Variants in RERE observed in about 807,000 individuals in gnomAD.
RERE encodes the protein arginine-glutamic acid dipeptide repeats protein.
In RERE, 40 loss-of-function variants were observed where a neutral mutation model predicts 146.1. The observed-to-expected ratio is 0.27, with a 90% confidence interval of 0.21 to 0.36. The LOEUF (loss-of-function observed/expected upper bound fraction) is 0.36. RERE is among the 10% of genes least tolerant of loss of function. RERE has a pLI of 1.00. For missense variants in RERE, 1,933 were observed against 2,138.7 expected (o/e 0.90, Z 1.90); for synonymous variants, 1,003 against 866.0 (o/e 1.16, Z -2.78).
intron 1 of RERE, among the ~76,000 whole-genome samples, chr1:8,757,434 C>T (rs942700103): frequency 2.0e-5 from 3 of 152,212 alleles, no homozygotes; most frequent in Admixed American, 1.3e-4. Context: ...AAATTCTCTA[C>T]TGCATCACTA....
At chr1:8,729,126 A>C (rs1454020470) in intron 1 of RERE, among the ~76,000 whole-genome samples, 1 of 149,610 alleles carries the variant, frequency 6.7e-6, no homozygotes, top group Non-Finnish European at 1.5e-5. Flanking sequence ...ATCGTGCCAC[A>C]CCATTGCACT....
At chr1:8,503,642 A>T (rs1384295357) in intron 8 of RERE, among the ~76,000 whole-genome samples, 4 of 152,338 alleles carry the variant, frequency 2.6e-5, no homozygotes, top group African/African-American at 9.6e-5. Context: ...ATATTATGTT[A>T]TTATTTATCT....
rs746807845 is a variant in RERE, at chr1:8,364,822, G to A, written c.1464C>T (p.Ala488=). 3.1e-6 allele frequency: 5 copies of A among 1,612,280 alleles called. No individual in the cohort carries two copies. In the African/African-American group the frequency reaches 4.0e-5, roughly 13 times the overall value. Residue 488 remains alanine, a synonymous_variant, in exon 14 of 23, where the codon GCC becomes GCT. Coordinates refer to ENST00000400908, the MANE Select transcript of RERE (RefSeq NM_001042681.2). This position sits in a 1 kb window ranked among gnomAD's most constrained non-coding sequence, Gnocchi z 5.1. ...PSSEFLDLSS[A]SEDDFDSEDS... is the part of the protein sequence containing the mutation. Reference sequence around the variant, plus strand: ...CCTCACTGTCGAAGTCATCTTCACTGGCTGAACTTAGGTCCACTGGGCGTG... The same window carrying A: ...CCTCACTGTCGAAGTCATCTTCACTAGCTGAACTTAGGTCCACTGGGCGTG...
chr1:8,785,431 T>C (rs891588423), intron 1 of RERE, among the ~76,000 whole-genome samples: 1 of 152,214 alleles, frequency 6.6e-6, no homozygotes, highest in Non-Finnish European at 1.5e-5. Context: ...CAATGACCAT[T>C]ACAGAGGAAA....
chr1:8,517,645 G>A (rs183408660), intron 7 of RERE, among the ~76,000 whole-genome samples: 2 of 151,978 alleles, frequency 1.3e-5, no homozygotes, highest in Non-Finnish European at 2.9e-5. Context: ...AACAATAATG[G>A]TAAGTTGTTG....
intron 1 of RERE, chr1:8,798,695 T>C (rs1181515987): frequency 6.1e-6 from 1 of 164,636 alleles, no homozygotes; most frequent in Admixed American, 6.1e-5. Flanking sequence ...AAGTCTTTTT[T>C]TTCTTTTTTT....
chr1:8,700,634 C>T (rs1408086986), intron 1 of RERE, among the ~76,000 whole-genome samples: 1 of 152,214 alleles, frequency 6.6e-6, no homozygotes, highest in Non-Finnish European at 1.5e-5. Flanking sequence ...TACAATGTAA[C>T]GAGAGGTAAG....
intron 4 of RERE, among the ~76,000 whole-genome samples, chr1:8,592,540 G>A (rs967134667): frequency 2.6e-5 from 4 of 152,038 alleles, no homozygotes; most frequent in Admixed American, 2.6e-4. Context: ...CCAAAGTGCT[G>A]GGATTACAGG....
chr1:8,503,914 T>A (rs1345180414), intron 8 of RERE, among the ~76,000 whole-genome samples: 1 of 152,168 alleles, frequency 6.6e-6, no homozygotes, highest in Non-Finnish European at 1.5e-5. Context: ...TATTATGGAA[T>A]TGAAGCAAAT....
intron 1 of RERE, chr1:8,750,705 T>C: frequency 1.2e-6 from 1 of 814,382 alleles, no homozygotes; most frequent in East Asian, 2.4e-5. Context: ...GCCTTTGTCA[T>C]CAGGACCAGA....
intron 1 of RERE, among the ~76,000 whole-genome samples, chr1:8,770,609 C>T (rs1640930271): frequency 2.6e-5 from 4 of 152,138 alleles, no homozygotes; most frequent in Admixed American, 1.3e-4. Context: ...GGTACAGTGA[C>T]GTAGAACAAC....
intron 1 of RERE, among the ~76,000 whole-genome samples, chr1:8,722,138 C>T (rs561088560): frequency 6.6e-6 from 1 of 152,286 alleles, no homozygotes; most frequent in South Asian, 2.1e-4. Flanking sequence ...AATTCTAGAA[C>T]CACAAATAAA....
At chr1:8,716,843 A>C (rs545393151) in intron 1 of RERE, among the ~76,000 whole-genome samples, 5 of 152,298 alleles carry the variant, frequency 3.3e-5, no homozygotes, top group South Asian at 4.1e-4. Flanking sequence ...CTAGCCAAAG[A>C]AGCAATCAAT....
intron 12 of RERE, among the ~76,000 whole-genome samples, chr1:8,366,634 G>A (rs1641813146): frequency 6.6e-6 from 1 of 152,124 alleles, no homozygotes; most frequent in African/African-American, 2.4e-5. Context: ...GCAAGGACTG[G>A]GCTTGGCAAA....
intron 6 of RERE, among the ~76,000 whole-genome samples, chr1:8,552,396 T>C (rs1185791038): frequency 6.6e-6 from 1 of 152,234 alleles, no homozygotes; most frequent in South Asian, 2.1e-4. Flanking sequence ...TGCTAAGCAC[T>C]AACATGATCA....
In RERE at chr1:8,423,740, CGGGGGGCGCGGGGCTG is replaced by C. The variant is rs1643955291; in HGVS notation, c.1204-949_1204-934del. 35 of 964,480 alleles carry C rather than the reference CGGGGGGCGCGGGGCTG, an allele frequency of 3.6e-5. No individual in the cohort carries two copies. The highest frequency in any genetic ancestry group is 4.2e-5 in the Non-Finnish European group (34 of 813,886). The allele number at this position is 964,480 out of a possible 1,614,324, so 59.7% of individuals were successfully genotyped here. On this transcript the variant is annotated intron_variant, in intron 11 of 22. Coordinates refer to ENST00000400908, the MANE Select transcript of RERE (RefSeq NM_001042681.2). This position sits in a 1 kb window ranked among gnomAD's most constrained non-coding sequence, Gnocchi z 5.4. ...CGGCGGGGCCGCGCGGCGCGGGGCC[CGGGGGGCGCGGGGCTG>C]GGGCCGCCGCTGACGGGGGAGGAGG... is the stretch of plus-strand genomic sequence containing the variant.
intron 1 of RERE, among the ~76,000 whole-genome samples, chr1:8,687,807 G>T (rs940427117): frequency 6.6e-6 from 1 of 152,120 alleles, no homozygotes; most frequent in East Asian, 1.9e-4. Context: ...AACAAAAGCA[G>T]GGTTTTAATG....
In RERE at chr1:8,786,316, C is replaced by G. The variant is rs920233676; in HGVS notation, c.-145+30844G>C. Reference sequence around the variant, plus strand: ...TTGTGGAGAAAATAATTTGAAGGGCCACAGGAAGTTATTTGCTTCTTTAAA... The same window carrying G: ...TTGTGGAGAAAATAATTTGAAGGGCGACAGGAAGTTATTTGCTTCTTTAAA... On this transcript the variant is annotated intron_variant, in intron 1 of 22. Coordinates refer to ENST00000400908, the MANE Select transcript of RERE (RefSeq NM_001042681.2). 5 of 886,328 alleles carry G rather than the reference C, an allele frequency of 5.6e-6. No homozygotes were observed. The African/African-American group carries it at 8.2e-5, about 14-fold the overall frequency. The allele number at this position is 886,328 out of a possible 1,614,324, so 54.9% of individuals were successfully genotyped here.
At chr1:8,511,089 C>T (rs1010480737) in intron 7 of RERE, among the ~76,000 whole-genome samples, 1 of 152,042 alleles carries the variant, frequency 6.6e-6, no homozygotes, top group African/African-American at 2.4e-5. Context: ...GCCAATTTAT[C>T]ATCATATTTA....
Sources: gnomAD v4.1 joint callset for allele counts (sites outside exome capture counted in the v4.1 genomes callset) on GRCh38, gnomAD v4.1.1 for gene constraint, Gnocchi (gnomAD v3.1) non-coding constraint, MANE v1.5 for transcripts, NCBI Gene and HGNC (gene_info 2026-07-23, HGNC 2026-07-21) for gene names.